The following FAM168A variants were observed in gnomAD, a reference collection of about 807,000 sequenced individuals.
FAM168A encodes family with sequence similarity 168 member A, also known as protein FAM168A.
A neutral mutation model predicts 28.5 loss-of-function variants in FAM168A; 3 were observed. The observed-to-expected ratio is 0.11, with a 90% CI of 0.05 to 0.27. The LOEUF (loss-of-function observed/expected upper bound fraction) is 0.27, where lower values mean the gene tolerates loss of function less well. FAM168A is among the 10% of genes least tolerant of loss of function. FAM168A has a pLI of 1.00. For missense variants in FAM168A, 222 were observed against 311.5 expected (o/e 0.71, Z 2.16); for synonymous variants, 122 against 124.2 (o/e 0.98, Z 0.12).
At chr11:73,428,807 T>C (rs1259814313) in intron 3 of FAM168A, among the ~76,000 whole-genome samples, 1 of 152,190 alleles carries the variant, frequency 6.6e-6, no homozygotes, top group Non-Finnish European at 1.5e-5. Flanking sequence ...TTATAGAACT[T>C]TAGCCCATGT....
At chr11:73,479,708 A>G (rs1867941881) in intron 1 of FAM168A, among the ~76,000 whole-genome samples, 1 of 152,138 alleles carries the variant, frequency 6.6e-6, no homozygotes, top group Non-Finnish European at 1.5e-5. Context: ...TGCTTGCCCA[A>G]TTATTTTCTT....
At chr11:73,516,690 G>C (rs1430752887) in intron 1 of FAM168A, among the ~76,000 whole-genome samples, 3 of 152,082 alleles carry the variant, frequency 2.0e-5, no homozygotes, top group Admixed American at 6.5e-5. Flanking sequence ...CATAGATTTT[G>C]AGTGTCTCTA....
intron 1 of FAM168A, among the ~76,000 whole-genome samples, chr11:73,484,562 C>CTATATATCTATATATCGA (rs1868017987): frequency 6.9e-6 from 1 of 144,388 alleles, no homozygotes; most frequent in Non-Finnish European, 1.5e-5. Context: ...ATCTATATAT[C>CTATATATCTATATATCGA]TATATATCTA....
At chr11:73,535,760 C>A (rs1471018114) in intron 1 of FAM168A, among the ~76,000 whole-genome samples, 3 of 146,010 alleles carry the variant, frequency 2.1e-5, no homozygotes, top group Middle Eastern at 3.7e-3. Context: ...GGGGTATCAC[C>A]ATGTTGTTCA....
At chr11:73,540,210 C>T (rs375329872) in intron 1 of FAM168A, among the ~76,000 whole-genome samples, 4 of 151,986 alleles carry the variant, frequency 2.6e-5, no homozygotes, top group African/African-American at 9.7e-5. Flanking sequence ...CAAAGAAAAA[C>T]AAATTAAACT....
intron 1 of FAM168A, among the ~76,000 whole-genome samples, chr11:73,509,190 A>C (rs897637480): frequency 6.6e-6 from 1 of 152,244 alleles, no homozygotes; most frequent in Non-Finnish European, 1.5e-5. Flanking sequence ...AGAGAGGGAA[A>C]GCAGCTTATC....
intron 3 of FAM168A, among the ~76,000 whole-genome samples, chr11:73,427,653 T>G (rs1229763792): frequency 6.6e-6 from 1 of 152,208 alleles, no homozygotes; most frequent in Non-Finnish European, 1.5e-5. Flanking sequence ...AAAAGTTTAT[T>G]GCAATATGCA....
At chr11:73,473,437 A>G (rs951034616) in intron 1 of FAM168A, among the ~76,000 whole-genome samples, 26 of 152,310 alleles carry the variant, frequency 1.7e-4, no homozygotes, top group African/African-American at 6.0e-4. Flanking sequence ...ACAGGGAGGC[A>G]GTTCATATCT....
chr11:73,561,040 T>G (rs1412110313), intron 1 of FAM168A, among the ~76,000 whole-genome samples: 8 of 131,718 alleles, frequency 6.1e-5, no homozygotes, highest in African/African-American at 2.5e-4. Flanking sequence ...CCAGCCTGGG[T>G]GACAGAGCAA....
intron 3 of FAM168A, among the ~76,000 whole-genome samples, chr11:73,426,429 T>G (rs929009281): frequency 5.9e-5 from 9 of 152,222 alleles, no homozygotes; most frequent in South Asian, 2.1e-4. Context: ...AAAATAGCTC[T>G]CTCTCAAGCA....
At chr11:73,486,021 C>G (rs1352358994) in intron 1 of FAM168A, among the ~76,000 whole-genome samples, 3 of 152,098 alleles carry the variant, frequency 2.0e-5, no homozygotes, top group Non-Finnish European at 4.4e-5. Context: ...CTACCAATAC[C>G]TTAGAATCAG....
intron 1 of FAM168A, among the ~76,000 whole-genome samples, chr11:73,535,410 C>G (rs368119373): frequency 9.1e-5 from 13 of 142,770 alleles, no homozygotes; most frequent in African/African-American, 2.8e-4. Context: ...CAGCTATTTT[C>G]TTTCTTTCTT....
At chr11:73,512,086 AC>A (rs1196572959) in intron 1 of FAM168A, among the ~76,000 whole-genome samples, 4 of 152,196 alleles carry the variant, frequency 2.6e-5, no homozygotes, top group African/African-American at 9.7e-5. Flanking sequence ...CCCTTAGGAA[AC>A]TGGATAAATG....
chr11:73,498,640 C>A (rs905396340), intron 1 of FAM168A, among the ~76,000 whole-genome samples: 22 of 152,192 alleles, frequency 1.4e-4, no homozygotes, highest in African/African-American at 5.3e-4. Context: ...GTAAGGGCAG[C>A]ACCCATTTCT....
chr11:73,407,779 G>T, intron 6 of FAM168A, 136 bp from the exon 7 acceptor site: 1 of 696,384 alleles, frequency 1.4e-6, no homozygotes, highest in African/African-American at 1.9e-5. Flanking sequence ...CTGATGACCT[G>T]TTTTCTGCCC....
intron 2 of FAM168A, among the ~76,000 whole-genome samples, chr11:73,457,370 AC>A (rs1196947578): frequency 6.6e-6 from 1 of 151,756 alleles, no homozygotes; most frequent in Non-Finnish European, 1.5e-5. Flanking sequence ...AACCTGTGGG[AC>A]AGAGTGAAAC....
At chr11:73,429,312 T>C (rs1360256731) in intron 3 of FAM168A, among the ~76,000 whole-genome samples, 2 of 152,160 alleles carry the variant, frequency 1.3e-5, no homozygotes, top group African/African-American at 2.4e-5. Flanking sequence ...ACTCACTGGG[T>C]AACTTGGGAC....
At chr11:73,593,101 A>G (rs1351670030) in intron 1 of FAM168A, among the ~76,000 whole-genome samples, 1 of 152,226 alleles carries the variant, frequency 6.6e-6, no homozygotes, top group Non-Finnish European at 1.5e-5. Flanking sequence ...TATACTGTTT[A>G]GGGATATGCA....
chr11:73,548,916 G>A (rs1943792787), intron 1 of FAM168A, among the ~76,000 whole-genome samples: 1 of 151,946 alleles, frequency 6.6e-6, no homozygotes, highest in Non-Finnish European at 1.5e-5. Context: ...GATTATAGGA[G>A]TGAACCACCA....
Sources: allele counts gnomAD v4.1 joint callset (sites outside exome capture counted in the v4.1 genomes callset), GRCh38; gene constraint gnomAD v4.1.1; transcripts MANE v1.5; gene names NCBI Gene and HGNC (gene_info 2026-07-23, HGNC 2026-07-21).